Variants in COL15A1 observed in about 807,000 individuals in gnomAD.
COL15A1 encodes the protein collagen type XV alpha 1 chain, also known as collagen alpha-1(XV) chain.
In COL15A1, 111 loss-of-function variants were observed where a neutral mutation model predicts 165.9. The observed-to-expected ratio is 0.67, with a 90% CI of 0.57 to 0.78. The LOEUF is 0.78. Among genes scored for constraint, COL15A1 ranks in the 30% least tolerant of loss-of-function variants. The pLI, the probability that COL15A1 is intolerant of heterozygous loss-of-function variation, is 0.00. For synonymous variants in COL15A1, 659 were observed against 674.8 expected (o/e 0.98, Z 0.36); for missense variants, 1,745 against 1,789.7 (o/e 0.98, Z 0.45).
intron 2 of COL15A1, among the ~76,000 whole-genome samples, chr9:98,974,829 C>A (rs1371378797): frequency 1.3e-5 from 2 of 152,156 alleles, no homozygotes; most frequent in Non-Finnish European, 2.9e-5. Flanking sequence ...TCTTTAGAGG[C>A]GTGTGTGGGA....
chr9:99,049,636 C>A, intron 28 of COL15A1, 54 bp from the exon 29 acceptor site: 7 of 1,604,214 alleles, frequency 4.4e-6, no homozygotes, highest in Non-Finnish European at 6.0e-6. Flanking sequence ...CTGTGGCTGC[C>A]CCTGCATTCA....
chr9:98,983,958 C>T (rs890277093), intron 2 of COL15A1, among the ~76,000 whole-genome samples: 2 of 152,160 alleles, frequency 1.3e-5, no homozygotes, highest in Non-Finnish European at 2.9e-5. Flanking sequence ...CTTAGAGGGT[C>T]TCTCGAGTGT....
chr9:98,967,247 T>C (rs1011509159), intron 2 of COL15A1, among the ~76,000 whole-genome samples: 4 of 152,118 alleles, frequency 2.6e-5, no homozygotes, highest in Admixed American at 1.3e-4. Flanking sequence ...CCTAGGGAGA[T>C]AGTATGACTC....
Position 99,028,161 on chromosome 9 carries a change from T to G in COL15A1, c.2043+2195T>G, listed in dbSNP as rs975553830. 3.9e-5 allele frequency among the ~76,000 whole-genome samples: 6 copies of G among 152,200 alleles called. No homozygotes were observed. The South Asian group carries it at 1.2e-3, about 31-fold the overall frequency. On this transcript the variant is annotated intron_variant, in intron 16 of 41. Coordinates refer to ENST00000375001, the MANE Select transcript of COL15A1 (RefSeq NM_001855.5). ...CCTCCTTTCTCTTTAGCACAGCACA[T>G]AGACCAATCTAGGCAGTTATCTAAA...
At chr9:98,967,099 T>C (rs1440126182) in intron 2 of COL15A1, among the ~76,000 whole-genome samples, 3 of 152,116 alleles carry the variant, frequency 2.0e-5, no homozygotes, top group Non-Finnish European at 4.4e-5. Context: ...CACTGGGAGA[T>C]ATGGAGATGA....
Position 99,015,426 on chromosome 9 carries a change from A to T in COL15A1, c.1363A>T (p.Ser455Cys), listed in dbSNP as rs752376118. The stretch of plus-strand genomic sequence containing the variant: ...GCCAATTTCATTTCAGGGTCCAAGC[A>T]GTGAAGACAGTTTAACAACAGCTGC... ...LGEEATVGPSSEDSLTTAAAA... is the reference protein window; with the variant it reads ...LGEEATVGPSCEDSLTTAAAA... Residue 455 changes from serine to cysteine, a missense_variant, in exon 10 of 42, where the codon AGT becomes TGT. Transcript: ENST00000375001. 1.9e-6 allele frequency: 3 copies of T among 1,607,794 alleles called. No individual in the cohort carries two copies. Among genetic ancestry groups the T allele is most frequent in the African/African-American group, 2.7e-5 (2 of 74,784 alleles).
At chr9:98,981,196 G>A (rs963360433) in intron 2 of COL15A1, among the ~76,000 whole-genome samples, 4 of 152,086 alleles carry the variant, frequency 2.6e-5, no homozygotes, top group African/African-American at 9.7e-5. Flanking sequence ...GCTCATTCAC[G>A]CCTGTAATCC....
At chr9:98,979,924 G>A (rs1018248756) in intron 2 of COL15A1, among the ~76,000 whole-genome samples, 5 of 152,046 alleles carry the variant, frequency 3.3e-5, no homozygotes, top group African/African-American at 4.8e-5. Flanking sequence ...TTGGGAGGCC[G>A]AGGCAGGAGA....
intron 16 of COL15A1, 24 bp downstream of exon 16, chr9:99,025,990 C>T (rs1339466008): frequency 3.8e-6 from 6 of 1,597,396 alleles, no homozygotes; most frequent in East Asian, 2.2e-5. Flanking sequence ...GGGAGGGTCC[C>T]ACCACATGGG....
At position 99,069,716 on chromosome 9, in the gene COL15A1, C is replaced by T. The variant is rs147824264; in HGVS notation, c.3997C>T (p.Arg1333Cys). Reference sequence around the variant, plus strand: ...GCATGGCTCCAGCCCCCATGGCGTCCGCCTTGTGGATAACTACTGTGAAGC... The same window carrying T: ...GCATGGCTCCAGCCCCCATGGCGTCTGCCTTGTGGATAACTACTGTGAAGC... The part of the protein sequence containing the change: ...IWHGSSPHGV[R>C]LVDNYCEAWR... Residue 1333 changes from arginine (R) to cysteine (C), a missense_variant, in exon 42 of 42, where the codon CGC (arginine) becomes TGC (cysteine). Transcript: ENST00000375001. 5.2e-4 allele frequency: 836 copies of T among 1,612,990 alleles called. No homozygotes were observed. Among genetic ancestry groups the T allele is most frequent in the Non-Finnish European group, 6.6e-4 (778 of 1,178,986 alleles).
intron 35 of COL15A1, among the ~76,000 whole-genome samples, chr9:99,058,531 G>T (rs1270491480): frequency 6.6e-6 from 1 of 152,194 alleles, no homozygotes; most frequent in Non-Finnish European, 1.5e-5. Context: ...GAGAAAAACT[G>T]TTGTCCACAG....
rs1317052940 is a variant in COL15A1 at position 99,055,346 on chromosome 9, G to T, written c.3166G>T (p.Gly1056Cys). The T allele has an allele frequency of 6.2e-7, 1 of 1,613,372 alleles. No homozygotes were observed. Among genetic ancestry groups the T allele is most frequent in the Non-Finnish European group, 8.5e-7 (1 of 1,179,408 alleles). ...NGSFLMSGPP[G>C]LPGNPGPAGQ... ...CAGCTTCCTTATGTCTGGGCCTCCA[G>T]GCCTGCCCGGAAATCCAGGCCCGGC... Residue 1056 changes from glycine to cysteine, a missense_variant, in exon 34 of 42, where the codon GGC (glycine) becomes TGC (cysteine). Transcript: ENST00000375001.
chr9:99,033,552 C>T (rs1335661973), intron 16 of COL15A1, among the ~76,000 whole-genome samples: 2 of 152,224 alleles, frequency 1.3e-5, no homozygotes, highest in African/African-American at 4.8e-5. Context: ...GCTGAGGCCC[C>T]TGTCTTCAAC....
intron 30 of COL15A1, among the ~76,000 whole-genome samples, chr9:99,051,097 A>G (rs897080570): frequency 1.3e-5 from 2 of 152,194 alleles, no homozygotes; most frequent in Non-Finnish European, 2.9e-5. Flanking sequence ...CCACCTGCTT[A>G]TCACACAGGA....
intron 2 of COL15A1, among the ~76,000 whole-genome samples, chr9:98,959,674 G>A (rs1373733799): frequency 6.6e-6 from 1 of 152,088 alleles, no homozygotes; most frequent in Non-Finnish European, 1.5e-5. Context: ...TGCCCTGCCT[G>A]GCTTCAGGCC....
chr9:99,042,359 C>T (rs1839421484), intron 24 of COL15A1, among the ~76,000 whole-genome samples: 1 of 152,040 alleles, frequency 6.6e-6, no homozygotes. Flanking sequence ...TTAGCGGTCA[C>T]TCTCCAGCTG....
intron 16 of COL15A1, among the ~76,000 whole-genome samples, chr9:99,028,437 G>A (rs1351873133): frequency 6.6e-6 from 1 of 152,054 alleles, no homozygotes; most frequent in Non-Finnish European, 1.5e-5. Flanking sequence ...CGGATCATGA[G>A]GTCAGGAGTT....
Position 99,038,688 on chromosome 9 carries a change from T to G in COL15A1, c.2430T>G (p.His810Gln), listed in dbSNP as rs1268745474. ...VLSNSLINITHGFMNFSDIPE... is the reference protein window; with the variant it reads ...VLSNSLINITQGFMNFSDIPE... ...TTCAGTCCTTGATCAATATCACCCA[T>G]GGATTCATGAATTTCTCGGACATTC... The change falls in exon 22 of 42, where the codon CAT (histidine) becomes CAG (glutamine). Residue 810 changes from histidine to glutamine, a missense_variant. Coordinates refer to ENST00000375001, the MANE Select transcript of COL15A1 (RefSeq NM_001855.5). 4 of 1,608,786 alleles carry G rather than the reference T, an allele frequency of 2.5e-6. No individual in the cohort carries two copies. In the Admixed American group the frequency reaches 5.0e-5, roughly 20 times the overall value.
chr9:99,034,428 A>G (rs911289521), intron 16 of COL15A1, 121 bp from the exon 17 acceptor site: 1 of 1,434,820 alleles, frequency 7.0e-7, no homozygotes, highest in Admixed American at 2.3e-5. Context: ...CCAATCTGAG[A>G]CAGAAAGAGT....
Sources: allele counts gnomAD v4.1 joint callset (sites outside exome capture counted in the v4.1 genomes callset), GRCh38; gene constraint gnomAD v4.1.1; transcripts MANE v1.5; gene names NCBI Gene and HGNC (gene_info 2026-07-23, HGNC 2026-07-21).